PADI4: variants seen among roughly 807,000 people sequenced by gnomAD.
The protein encoded by PADI4 is protein-arginine deiminase type-4.
PADI4 carries 62 observed loss-of-function variants against 75.0 expected under a neutral mutation model. The ratio of observed to expected loss-of-function variants is 0.83; its 90% CI spans 0.67 to 1.02. The LOEUF is 1.02. PADI4 is among the 50% of genes least tolerant of loss of function. The pLI, the probability that PADI4 is intolerant of heterozygous loss-of-function variation, is 0.00. For missense variants in PADI4, 845 were observed against 850.5 expected (o/e 0.99, Z 0.08); for synonymous variants, 361 against 348.1 (o/e 1.04, Z -0.41).
At chr1:17,352,046 A>C (rs369281402) in intron 10 of PADI4, among the ~76,000 whole-genome samples, 1,224 of 59,502 alleles carry the variant, frequency 0.021, 190 homozygotes, top group African/African-American at 0.12. Flanking sequence ...GAGGAGAGGC[A>C]GTCAGGGAGG....
At chr1:17,339,256 T>C (rs1039893913) in intron 5 of PADI4, among the ~76,000 whole-genome samples, 4 of 152,186 alleles carry the variant, frequency 2.6e-5, no homozygotes, top group Non-Finnish European at 5.9e-5. Flanking sequence ...ATTGTTCAAG[T>C]TGGTTCACAA....
intron 2 of PADI4, 37 bp downstream of exon 2, chr1:17,331,186 G>C: frequency 6.4e-7 from 1 of 1,556,040 alleles, no homozygotes; most frequent in Non-Finnish European, 8.8e-7. Flanking sequence ...GTGTGGATGG[G>C]CTTCAGCAGG....
At chr1:17,332,407 C>G (rs998117863) in intron 2 of PADI4, among the ~76,000 whole-genome samples, 1 of 152,084 alleles carries the variant, frequency 6.6e-6, no homozygotes, top group African/African-American at 2.4e-5. Context: ...CCACCATGCC[C>G]AGCTAATTTT....
At chr1:17,347,793 C>A (rs1211411434) in intron 9 of PADI4, 148 bp from the exon 10 acceptor site, 5 of 480,478 alleles carry the variant, frequency 1.0e-5, no homozygotes, top group African/African-American at 5.9e-5. Context: ...CGCTTCTGAG[C>A]CCCTTCTCTG....
chr1:17,333,958 T>C lies in PADI4; in HGVS notation c.289T>C (p.Tyr97His), dbSNP rs1416390128. 6.2e-7 allele frequency: 1 copy of C among 1,612,482 alleles called. No homozygotes were observed. Among genetic ancestry groups the C allele is most frequent in the Admixed American group, 1.7e-5 (1 of 60,000 alleles). Residue 97 changes from tyrosine (Y) to histidine (H), a missense_variant, in exon 3 of 16, where the codon TAC becomes CAC. By Grantham distance (83) the Tyr-to-His change is moderately conservative (BLOSUM62 2). Transcript: ENST00000375448. ...TGDQKVQISY[Y>H]GPKTPPVKAL... ...TCTCCCATAGGTTCAGATTTCATAC[T>C]ACGGACCCAAGACTCCACCAGTCAA... is the stretch of plus-strand genomic sequence containing the variant.
intron 3 of PADI4, chr1:17,334,795 T>A: frequency 2.8e-6 from 1 of 354,436 alleles, no homozygotes. Flanking sequence ...ATTCTTAAAC[T>A]TGACCTCATT....
chr1:17,344,830 A>C (rs2074486834), intron 8 of PADI4, among the ~76,000 whole-genome samples: 2 of 152,268 alleles, frequency 1.3e-5, no homozygotes, highest in African/African-American at 4.8e-5. Flanking sequence ...TGGTGTTCTC[A>C]TGGAAAACCT....
chr1:17,356,586 G>A lies in PADI4; in HGVS notation c.1558+127G>A. 1.6e-6 allele frequency: 1 copy of A among 638,222 alleles called. No homozygotes were observed. Among genetic ancestry groups the A allele is most frequent in the African/African-American group, 1.8e-5 (1 of 54,642 alleles). 39.5% of individuals were successfully genotyped at this position (638,222 alleles called of 1,614,324 possible). A position where few individuals can be genotyped will look rare whatever the true frequency, so the allele number is the denominator to read the frequency against. On this transcript the variant is annotated intron_variant, in intron 13 of 15. Coordinates refer to ENST00000375448, the MANE Select transcript of PADI4 (RefSeq NM_012387.3). This position sits in a 1 kb window ranked among gnomAD's most constrained non-coding sequence, Gnocchi z 4.1. Reference sequence around the variant, plus strand: ...GCACCTACTGTGCGCCAGGCACTGTGCCAAGTGCTAGGGAGACTGCATGAA... The same window carrying A: ...GCACCTACTGTGCGCCAGGCACTGTACCAAGTGCTAGGGAGACTGCATGAA...
intron 1 of PADI4, among the ~76,000 whole-genome samples, chr1:17,316,639 A>G (rs1453583423): frequency 1.3e-5 from 2 of 151,224 alleles, no homozygotes; most frequent in African/African-American, 2.4e-5. Context: ...GCAGTGAGCC[A>G]AGATCGCACC....
At chr1:17,360,654 C>A (rs2074835793) in intron 15 of PADI4, among the ~76,000 whole-genome samples, 1 of 152,212 alleles carries the variant, frequency 6.6e-6, no homozygotes, top group African/African-American at 2.4e-5. Flanking sequence ...AACTACCATG[C>A]TGCCTTCCCA....
rs779916698 is a variant in PADI4, at chr1:17,330,949, CCCATGTGTCTTGT to C, written c.93-16_93-4del. ...CCCTCCTCACTGCATCCTCTGCTTTCCCATGTGTCTTGTCCACAGCTCTGCCCCTGAGGACTGC... is the reference window on the plus strand; with the variant it reads ...CCCTCCTCACTGCATCCTCTGCTTTCCCACAGCTCTGCCCCTGAGGACTGC... On this transcript the variant is annotated splice_polypyrimidine_tract_variant and splice_region_variant and intron_variant, in intron 1 of 15. Coordinates refer to ENST00000375448, the MANE Select transcript of PADI4 (RefSeq NM_012387.3). 1 of 1,511,000 alleles carries C rather than the reference CCCATGTGTCTTGT, an allele frequency of 6.6e-7. No homozygotes were observed. The highest frequency in any genetic ancestry group is 2.5e-5 in the East Asian group (1 of 39,576). 93.6% of individuals were successfully genotyped at this position (1,511,000 alleles called of 1,614,324 possible).
chr1:17,340,505 G>A (rs750968034), intron 6 of PADI4, among the ~76,000 whole-genome samples: 17 of 152,078 alleles, frequency 1.1e-4, no homozygotes, highest in Non-Finnish European at 2.1e-4. Context: ...GGGGAAGGGC[G>A]TTCCAGGCAG....
At chr1:17,312,198 G>A (rs908581219) in intron 1 of PADI4, among the ~76,000 whole-genome samples, 35 of 152,096 alleles carry the variant, frequency 2.3e-4, no homozygotes, top group African/African-American at 6.3e-4. Flanking sequence ...GGTGGCTCAC[G>A]CCTGTAATCC....
intron 6 of PADI4, 40 bp downstream of exon 6, chr1:17,339,853 A>G (rs2074383834): frequency 6.4e-7 from 1 of 1,554,752 alleles, no homozygotes; most frequent in Non-Finnish European, 8.7e-7. Context: ...TGCCCTGGCC[A>G]ACGGGGCACA....
chr1:17,354,174 G>A (rs928737259), intron 10 of PADI4, among the ~76,000 whole-genome samples: 1 of 152,070 alleles, frequency 6.6e-6, no homozygotes, highest in Admixed American at 6.6e-5. Flanking sequence ...TGAACCAGGG[G>A]CGGAGGTTGC....
chr1:17,320,165 C>T lies in PADI4; in HGVS notation c.93-10804C>T, dbSNP rs76483263. 8.0e-3 allele frequency among the ~76,000 whole-genome samples: 1,226 copies of T among 152,320 alleles called. 19 individuals are homozygous for T. Among genetic ancestry groups the T allele is most frequent in the African/African-American group, 0.028 (1,151 of 41,558 alleles). On this transcript the variant is annotated intron_variant, in intron 1 of 15. Transcript: ENST00000375448. Reference sequence around the variant, plus strand: ...CCATTCCTTGCAGCTTCTAGAGGTGCCCGCATTCCTTGGCTTGTGGCCCCT... The same window carrying T: ...CCATTCCTTGCAGCTTCTAGAGGTGTCCGCATTCCTTGGCTTGTGGCCCCT...
intron 2 of PADI4, among the ~76,000 whole-genome samples, chr1:17,331,875 G>A (rs1460296158): frequency 6.6e-6 from 1 of 152,092 alleles, no homozygotes; most frequent in African/African-American, 2.4e-5. Context: ...CCAAGATTGC[G>A]CCACTTCACT....
At chr1:17,324,146 G>T (rs1325083055) in intron 1 of PADI4, among the ~76,000 whole-genome samples, 22 of 113,890 alleles carry the variant, frequency 1.9e-4, no homozygotes, top group African/African-American at 3.3e-4. Flanking sequence ...ACCAAGTTGG[G>T]TTTTTTTTGT....
intron 15 of PADI4, among the ~76,000 whole-genome samples, chr1:17,360,781 G>A (rs1381509406): frequency 6.6e-6 from 1 of 152,020 alleles, no homozygotes; most frequent in African/African-American, 2.4e-5. Flanking sequence ...GGACACACGT[G>A]GGGGCACCAC....
Sources: allele counts gnomAD v4.1 joint callset (sites outside exome capture counted in the v4.1 genomes callset), GRCh38; gene constraint gnomAD v4.1.1; non-coding constraint Gnocchi (gnomAD v3.1); transcripts MANE v1.5; gene names NCBI Gene and HGNC (gene_info 2026-07-23, HGNC 2026-07-21).